The following EPM2A variants were observed in gnomAD, a reference collection of about 807,000 sequenced individuals.
The protein encoded by EPM2A is EPM2A glucan phosphatase, laforin, also known as laforin.
Under a neutral mutation model 26.5 loss-of-function variants are expected in EPM2A, and 21 were observed. The ratio of observed to expected loss-of-function variants is 0.79; its 90% CI spans 0.56 to 1.14. EPM2A has a LOEUF of 1.14. EPM2A is among the 50% of genes most tolerant of loss of function. EPM2A has a pLI of 0.00. For missense variants in EPM2A, 458 were observed against 440.8 expected, an observed-to-expected ratio of 1.04 and a Z score of -0.35; for synonymous variants, 217 against 177.6, an observed-to-expected ratio of 1.22 and a Z score of -1.76.
chr6:145,553,266 C>T (rs1780679749), intron 2 of EPM2A, among the ~76,000 whole-genome samples: 1 of 152,162 alleles, frequency 6.6e-6, no homozygotes, highest in Admixed American at 6.5e-5. Flanking sequence ...GTCAATTAAA[C>T]CTCTTTTCTT....
intron 2 of EPM2A, among the ~76,000 whole-genome samples, chr6:145,610,696 C>A (rs907416596): frequency 6.6e-6 from 1 of 152,188 alleles, no homozygotes; most frequent in Non-Finnish European, 1.5e-5. Context: ...CTGAAGAAAT[C>A]AGAAATCCTT....
intron 4 of EPM2A, among the ~76,000 whole-genome samples, chr6:145,400,583 G>A (rs1053288988): frequency 9.2e-5 from 14 of 152,126 alleles, no homozygotes; most frequent in Non-Finnish European, 1.3e-4. Context: ...AACAGAGGTT[G>A]CTTACTGAGT....
chr6:145,672,820 G>C (rs145483968), intron 2 of EPM2A, among the ~76,000 whole-genome samples: 198 of 152,290 alleles, frequency 1.3e-3, no homozygotes, highest in African/African-American at 4.5e-3. Flanking sequence ...CTCCAGGCAG[G>C]AGTTTGGCAA....
At chr6:145,556,582 A>G (rs1222109588) in intron 2 of EPM2A, among the ~76,000 whole-genome samples, 1 of 152,148 alleles carries the variant, frequency 6.6e-6, no homozygotes, top group Non-Finnish European at 1.5e-5. Context: ...GTACAGGGAA[A>G]GAGAGCAATT....
At chr6:145,535,508 C>T (rs1367079221) in intron 2 of EPM2A, among the ~76,000 whole-genome samples, 6 of 152,118 alleles carry the variant, frequency 3.9e-5, no homozygotes, top group Non-Finnish European at 5.9e-5. Context: ...GGTTGAGAAC[C>T]ACCACAGTAG....
At chr6:145,649,121 C>G (rs929447270) in intron 2 of EPM2A, among the ~76,000 whole-genome samples, 1 of 152,176 alleles carries the variant, frequency 6.6e-6, no homozygotes. Flanking sequence ...ACTGAGAGAA[C>G]TGGATTCAAT....
chr6:145,434,301 C>G (rs1467555322), intron 4 of EPM2A, among the ~76,000 whole-genome samples: 1 of 150,230 alleles, frequency 6.7e-6, no homozygotes, highest in Non-Finnish European at 1.5e-5. Flanking sequence ...CCTTCTGTCA[C>G]TCTGGGTAGA....
downstream of EPM2A, among the ~76,000 whole-genome samples, chr6:145,623,401 T>C (rs1035742498): frequency 5.3e-5 from 8 of 152,154 alleles, no homozygotes; most frequent in South Asian, 2.1e-4. Flanking sequence ...GCCATGTGCA[T>C]ACCTGGAGTA....
In EPM2A at chr6:145,519,716, A is replaced by C. The variant is rs750157410; in HGVS notation, c.341-17141T>G. On this transcript the variant is annotated intron_variant, in intron 2 of 3. Coordinates refer to the EPM2A transcript ENST00000450221. ...TTCGAGAAACCCTTCAGACTTTTGAAGATTGTAAAACTCGCAAAGGAATAA... is the reference window on the plus strand; with the variant it reads ...TTCGAGAAACCCTTCAGACTTTTGACGATTGTAAAACTCGCAAAGGAATAA... 5.3e-5 allele frequency among the ~76,000 whole-genome samples: 8 copies of C among 152,272 alleles called. No individual in the cohort carries two copies. In the South Asian group the frequency reaches 1.7e-3, roughly 32 times the overall value.
chr6:145,688,388 G>A (rs970771556), intron 1 of EPM2A, among the ~76,000 whole-genome samples: 1 of 152,154 alleles, frequency 6.6e-6, no homozygotes, highest in East Asian at 1.9e-4. Flanking sequence ...GAAGATGAAA[G>A]GGGATTAACA....
rs111766628 is a variant in EPM2A at position 145,419,188 on chromosome 6, C to G, written c.556-35091G>C. Among the ~76,000 whole-genome samples the G allele has an allele frequency of 3.7e-4, 55 of 150,658 alleles. 1 individual carries two copies. Among genetic ancestry groups the G allele is most frequent in the African/African-American group, 9.0e-4 (37 of 41,192 alleles). On this transcript the variant is annotated intron_variant, in intron 4 of 4. Coordinates refer to the EPM2A transcript ENST00000638717. Reference sequence around the variant, plus strand: ...GCAAATTCTGTTAAATGTCCCCCCCCCCCGCTCCTTTCCCCAGCAGCGCAT... The same window carrying G: ...GCAAATTCTGTTAAATGTCCCCCCCGCCCGCTCCTTTCCCCAGCAGCGCAT...
chr6:145,543,278 C>G (rs1158081889), intron 2 of EPM2A, among the ~76,000 whole-genome samples: 2 of 151,898 alleles, frequency 1.3e-5, no homozygotes, highest in African/African-American at 4.8e-5. Flanking sequence ...AATAAATTAC[C>G]ATCAGTTCAA....
chr6:145,482,953 G>A (rs1290395868), intron 4 of EPM2A, among the ~76,000 whole-genome samples: 1 of 151,366 alleles, frequency 6.6e-6, no homozygotes, highest in African/African-American at 2.4e-5. Context: ...GGCTGTGCAT[G>A]CAGCTCCAAA....
intron 4 of EPM2A, among the ~76,000 whole-genome samples, chr6:145,408,373 C>T (rs1487095887): frequency 6.6e-6 from 1 of 152,108 alleles, no homozygotes; most frequent in Admixed American, 6.6e-5. Context: ...GAAAGATGTA[C>T]AAGAAGGATG....
chr6:145,714,555 T>C (rs906592237), intron 1 of EPM2A, among the ~76,000 whole-genome samples: 6 of 152,224 alleles, frequency 3.9e-5, no homozygotes, highest in Middle Eastern at 3.4e-3. Flanking sequence ...TAAAGACAAG[T>C]GTATTAGTCC....
chr6:145,410,618 G>C (rs1778630939), intron 4 of EPM2A, among the ~76,000 whole-genome samples: 1 of 152,222 alleles, frequency 6.6e-6, no homozygotes, highest in Non-Finnish European at 1.5e-5. Flanking sequence ...ACAAGGGCTA[G>C]TTATGGACAA....
At chr6:145,696,947 G>A (rs919861129) in intron 1 of EPM2A, among the ~76,000 whole-genome samples, 5 of 151,936 alleles carry the variant, frequency 3.3e-5, no homozygotes, top group African/African-American at 1.2e-4. Flanking sequence ...TGTAAACTTG[G>A]CTAGCTCTTT....
intron 3 of EPM2A, chr6:145,630,860 A>G (rs1776195262): frequency 6.6e-6 from 1 of 152,204 alleles, no homozygotes; most frequent in South Asian, 2.1e-4. Context: ...TCTTCAATTT[A>G]TATATGAACA....
intron 2 of EPM2A, among the ~76,000 whole-genome samples, chr6:145,511,579 A>G (rs1004194324): frequency 2.6e-5 from 4 of 152,144 alleles, no homozygotes; most frequent in Non-Finnish European, 5.9e-5. Flanking sequence ...CCCTTAACAA[A>G]CTAGGCATAG....
Sources: allele counts gnomAD v4.1 joint callset (sites outside exome capture counted in the v4.1 genomes callset), GRCh38; gene constraint gnomAD v4.1.1; transcripts MANE v1.5; gene names NCBI Gene and HGNC (gene_info 2026-07-23, HGNC 2026-07-21).